Variants in SCAMP4 observed in about 807,000 individuals in gnomAD.
SCAMP4 encodes the protein secretory carrier membrane protein 4.
In SCAMP4, 19 loss-of-function variants were observed where a neutral mutation model predicts 32.1. The ratio of observed to expected loss-of-function variants is 0.59; its 90% CI spans 0.41 to 0.87. The LOEUF (loss-of-function observed/expected upper bound fraction) is 0.87. SCAMP4 is among the 40% of genes least tolerant of loss of function. SCAMP4 has a pLI of 0.00. For synonymous variants in SCAMP4, 152 were observed against 132.7 expected (o/e 1.15, Z -1.00); for missense variants, 302 against 309.0 (o/e 0.98, Z 0.17).
rs1157659149 is a variant in SCAMP4 at position 1,914,993 on chromosome 19, C to A, written c.-27C>A. On this transcript the variant is annotated 5_prime_UTR_variant, in exon 2 of 7. Transcript: ENST00000316097. ...CTTCCTTCCAGGCGGCTGCAGGCTT[C>A]AGCCTGCGCTGGTTGGTGAAACAGA... 6.2e-7 allele frequency: 1 copy of A among 1,613,664 alleles called. No individual in the cohort carries two copies. The highest frequency in any genetic ancestry group is 8.5e-7 in the Non-Finnish European group (1 of 1,179,728).
At chr19:1,919,348 G>A (rs1432982690) in intron 5 of SCAMP4, 6 of 1,135,542 alleles carry the variant, frequency 5.3e-6, no homozygotes, top group Middle Eastern at 3.9e-4. Flanking sequence ...TGCACGGATC[G>A]CTGCAGGAGG....
chr19:1,911,029 C>G (rs1466755468), intron 1 of SCAMP4, among the ~76,000 whole-genome samples: 1 of 152,104 alleles, frequency 6.6e-6, no homozygotes, highest in Admixed American at 6.6e-5. Context: ...GTGCGTGCCA[C>G]CAGGCCTGGC....
chr19:1,920,255 C>T (rs967626732), intron 5 of SCAMP4: 53 of 985,352 alleles, frequency 5.4e-5, no homozygotes, highest in South Asian at 1.9e-4. Context: ...ACGCTGCTCA[C>T]GGAGCCGTGG....
At chr19:1,905,823 C>T (rs1599225555) in intron 1 of SCAMP4, 1 of 152,546 alleles carries the variant, frequency 6.6e-6, no homozygotes, top group East Asian at 1.9e-4. Flanking sequence ...TCGCGAGTTT[C>T]CGTAGCCTTC....
chr19:1,919,300 C>T (rs181697591), intron 5 of SCAMP4: 1 of 1,210,618 alleles, frequency 8.3e-7, no homozygotes, highest in African/African-American at 1.5e-5. Context: ...CACCCCTGAC[C>T]CGGGGTCTGG....
chr19:1,913,235 A>G (rs1294282618), intron 1 of SCAMP4: 3 of 1,446,898 alleles, frequency 2.1e-6, no homozygotes, highest in African/African-American at 2.9e-5. Flanking sequence ...TTTCTTCCGC[A>G]CAAGCCTGAC....
At chr19:1,912,830 C>A in intron 1 of SCAMP4, 1 of 1,591,908 alleles carries the variant, frequency 6.3e-7, no homozygotes, top group East Asian at 2.3e-5. Context: ...ACTTCAGACC[C>A]TTCCCCGCCT....
chr19:1,923,876 C>T (rs1048521136), intron 6 of SCAMP4, among the ~76,000 whole-genome samples: 14 of 115,170 alleles, frequency 1.2e-4, no homozygotes, highest in South Asian at 6.2e-4. Context: ...CCTCCCGCCT[C>T]GGCCTCCCGA....
intron 5 of SCAMP4, chr19:1,919,344 G>A (rs1230935871): frequency 2.6e-6 from 3 of 1,149,680 alleles, no homozygotes; most frequent in Non-Finnish European, 3.2e-6. Context: ...TTTCTGCACG[G>A]ATCGCTGCAG....
At chr19:1,922,915 G>A (rs1000693388) in intron 5 of SCAMP4, 155 bp from the exon 6 acceptor site, 37 of 1,351,576 alleles carry the variant, frequency 2.7e-5, no homozygotes, top group South Asian at 9.3e-5. Context: ...TCTCAGTATC[G>A]CTTTATGTTT....
At position 1,923,877 on chromosome 19, in the gene SCAMP4, G is replaced by A. The variant is rs558604370; in HGVS notation, c.514-231G>A. Among the ~76,000 whole-genome samples the A allele has an allele frequency of 4.1e-4, 38 of 91,576 alleles. 5 individuals carry two copies. The East Asian group carries it at 4.7e-3, about 11-fold the overall frequency. The allele number at this position is 91,576 out of a possible 152,430, so 60.1% of individuals were successfully genotyped here. A position where few individuals can be genotyped will look rare whatever the true frequency, so the allele number is the denominator to read the frequency against. On this transcript the variant is annotated intron_variant, in intron 6 of 6. Transcript: ENST00000316097. The stretch of plus-strand genomic sequence containing the variant: ...CCTGACCTCGTGATCCTCCCGCCTC[G>A]GCCTCCCGAAGTGCTGGGATGACAG...
In SCAMP4 at chr19:1,918,170, C is replaced by T. The variant is rs977183783; in HGVS notation, c.180C>T (p.Ala60=). 4 of 1,612,900 alleles carry T rather than the reference C, an allele frequency of 2.5e-6. No homozygotes were observed. The highest frequency in any genetic ancestry group is 2.2e-5 in the East Asian group (1 of 44,892). ...GCGTCAACCTCATTGCCTGCCTGGC[C>T]TGGTGGATCGGCGGAGGCTCGGGGA... ...TLGVNLIACL[A]WWIGGGSGTN... The change falls in exon 4 of 7, where the codon GCC becomes GCT. Residue 60 remains alanine, a synonymous_variant. Transcript: ENST00000316097.
chr19:1,918,776 A>AT, intron 4 of SCAMP4, 113 bp from the exon 5 acceptor site: 2 of 1,293,084 alleles, frequency 1.5e-6, no homozygotes, highest in Non-Finnish European at 2.1e-6. Context: ...AAAAAAAAAA[A>AT]GGAATAAAAT....
intron 1 of SCAMP4, chr19:1,912,085 C>T: frequency 2.0e-6 from 3 of 1,468,268 alleles, no homozygotes; most frequent in Non-Finnish European, 2.7e-6. Context: ...CCACAGTCGG[C>T]CTCGCTGAGG....
chr19:1,921,257 C>G, intron 5 of SCAMP4: 2 of 985,420 alleles, frequency 2.0e-6, no homozygotes, highest in Non-Finnish European at 2.4e-6. Context: ...CAGCCCCGCT[C>G]TCCCTGCCCC....
In SCAMP4 at chr19:1,921,667, A is replaced by G. The variant is rs535665157; in HGVS notation, c.396-1403A>G. The G allele has an allele frequency of 2.6e-5, 26 of 985,380 alleles. No homozygotes were observed. The South Asian group carries it at 7.0e-4, about 27-fold the overall frequency. The allele number at this position is 985,380 out of a possible 1,614,324, so 61.0% of individuals were successfully genotyped here. ...CATAAATCTAAAATTACATCCAAAC[A>G]GAGGTTTACTTTTTTAAAAAATAAA... On this transcript the variant is annotated intron_variant, in intron 5 of 6. Transcript: ENST00000316097.
At chr19:1,918,336 C>T in intron 4 of SCAMP4, 53 bp downstream of exon 4, 1 of 1,501,908 alleles carries the variant, frequency 6.7e-7, no homozygotes, top group Non-Finnish European at 8.9e-7. Context: ...AGGGCCCACT[C>T]TGCACCCCAG....
At chr19:1,924,020 GA>G (rs2014014773) in intron 6 of SCAMP4, 87 bp from the exon 7 acceptor site, 1 of 990,234 alleles carries the variant, frequency 1.0e-6, no homozygotes, top group Non-Finnish European at 1.5e-6. Context: ...TCGGCCTCCC[GA>G]AGTGCTGGGA....
chr19:1,915,361 C>A (rs371593152), intron 2 of SCAMP4: 10 of 435,932 alleles, frequency 2.3e-5, no homozygotes, highest in Middle Eastern at 1.3e-3. Flanking sequence ...TACTGGCAGC[C>A]TTCCCCAGTG....
Sources: gnomAD v4.1 joint callset for allele counts (sites outside exome capture counted in the v4.1 genomes callset) on GRCh38, gnomAD v4.1.1 for gene constraint, MANE v1.5 for transcripts, NCBI Gene and HGNC (gene_info 2026-07-23, HGNC 2026-07-21) for gene names.